The following CRB1 variants were observed in gnomAD, a reference collection of about 807,000 sequenced individuals.
CRB1 encodes the protein crumbs cell polarity complex component 1.
A neutral mutation model predicts 120.0 loss-of-function variants in CRB1; 83 were observed. That is an observed-to-expected ratio of 0.69 (90% CI 0.58 to 0.83). The LOEUF (loss-of-function observed/expected upper bound fraction) is 0.83, where lower values mean the gene tolerates loss of function less well. CRB1 is among the 40% of genes least tolerant of loss of function. CRB1 has a pLI of 0.00. For missense variants in CRB1, 1,699 were observed against 1,687.6 expected, an observed-to-expected ratio of 1.01 and a Z score of -0.12; for synonymous variants, 625 against 612.5, an observed-to-expected ratio of 1.02 and a Z score of -0.30.
chr1:197,307,840 C>G (rs1034437488), intron 1 of CRB1, among the ~76,000 whole-genome samples: 1 of 152,200 alleles, frequency 6.6e-6, no homozygotes, highest in African/African-American at 2.4e-5. Context: ...GATCCTCTCT[C>G]TCCCTGGTCC....
At chr1:197,276,450 A>G (rs1655213498) in intron 1 of CRB1, among the ~76,000 whole-genome samples, 1 of 151,856 alleles carries the variant, frequency 6.6e-6, no homozygotes, top group Non-Finnish European at 1.5e-5. Context: ...ACACTGTTCT[A>G]GGCTCCAAGG....
chr1:197,334,549 T>C (rs1171982838), intron 2 of CRB1, among the ~76,000 whole-genome samples: 7 of 152,208 alleles, frequency 4.6e-5, no homozygotes, highest in African/African-American at 1.7e-4. Flanking sequence ...TCCTATCCTC[T>C]GGAGGATGCA....
At chr1:197,471,980 T>C (rs1666998924) in intron 11 of CRB1, among the ~76,000 whole-genome samples, 1 of 152,222 alleles carries the variant, frequency 6.6e-6, no homozygotes, top group African/African-American at 2.4e-5. Context: ...TTTATTTTAC[T>C]TTATATATGT....
intron 1 of CRB1, among the ~76,000 whole-genome samples, chr1:197,290,320 A>ATC (rs952188965): frequency 3.4e-5 from 5 of 145,892 alleles, no homozygotes; most frequent in African/African-American, 1.3e-4. Context: ...AGAGAAGTGG[A>ATC]TCTCAGATCA....
At chr1:197,235,427 G>A in the CRB1 span, among the ~76,000 whole-genome samples, 1 of 152,188 alleles carries the variant, frequency 6.6e-6, no homozygotes, top group South Asian at 2.1e-4. Flanking sequence ...AAATATGTTA[G>A]TGCATTGTAG....
the CRB1 span, among the ~76,000 whole-genome samples, chr1:197,256,343 C>T: frequency 6.6e-6 from 1 of 151,742 alleles, no homozygotes; most frequent in South Asian, 2.1e-4. Flanking sequence ...CTTGTTGCTT[C>T]CTTTATTATT....
chr1:197,431,058 C>T (rs578130475), intron 8 of CRB1, among the ~76,000 whole-genome samples: 1 of 151,020 alleles, frequency 6.6e-6, no homozygotes, highest in African/African-American at 2.4e-5. Context: ...AAAACAAGAC[C>T]CTGTCTCAAA....
rs1487035145 is a variant in CRB1, at chr1:197,429,146, GA to G, written c.2677-298del. On this transcript the variant is annotated intron_variant, in intron 7 of 11. Transcript: ENST00000367400. Reference sequence around the variant, plus strand: ...TCCTCAAATGATAATTAGTGCATGTGAAAAAGTGCCTGGTAATTTGTAAATT... The same window carrying G: ...TCCTCAAATGATAATTAGTGCATGTGAAAAGTGCCTGGTAATTTGTAAATT... The G allele has an allele frequency of 3.3e-6, 5 of 1,531,214 alleles. No individual in the cohort carries two copies. In the Admixed American group the frequency reaches 9.9e-5, roughly 30 times the overall value. The allele number at this position is 1,531,214 out of a possible 1,614,324, so 94.9% of individuals were successfully genotyped here.
chr1:197,382,351 T>C (rs1240431533), intron 5 of CRB1, among the ~76,000 whole-genome samples: 1 of 152,164 alleles, frequency 6.6e-6, no homozygotes, highest in Non-Finnish European at 1.5e-5. Flanking sequence ...TACCTTATAC[T>C]GCTCCTGGAA....
chr1:197,429,683 A>G lies in CRB1; in HGVS notation c.2842+69A>G. ...CATTTGAGTTGTTCCAAGAGCAAACACAGAAAAAGAGTATAGACAAAGCCA... is the reference window on the plus strand; with the variant it reads ...CATTTGAGTTGTTCCAAGAGCAAACGCAGAAAAAGAGTATAGACAAAGCCA... On this transcript the variant is annotated intron_variant, in intron 8 of 11. Coordinates refer to ENST00000367400, the MANE Select transcript of CRB1 (RefSeq NM_201253.3). The G allele has an allele frequency of 2.7e-6, 4 of 1,503,094 alleles. No homozygotes were observed. The South Asian group carries it at 3.4e-5, about 13-fold the overall frequency. The allele number at this position is 1,503,094 out of a possible 1,614,324, so 93.1% of individuals were successfully genotyped here.
At position 197,273,854 on chromosome 1, in the gene CRB1, GCATAAATC is replaced by G. The variant is rs1381890104; in HGVS notation, c.70+5373_70+5380del. On this transcript the variant is annotated intron_variant, in intron 1 of 11. Coordinates refer to ENST00000367400, the MANE Select transcript of CRB1 (RefSeq NM_201253.3). Reference sequence around the variant, plus strand: ...TTGTGTATTTCCTGACCCAATCCTAGCATAAATCACCATTTCTCCAAGGAGCTCTGTTT... The same window carrying G: ...TTGTGTATTTCCTGACCCAATCCTAGACCATTTCTCCAAGGAGCTCTGTTT... 2.8e-4 allele frequency among the ~76,000 whole-genome samples: 43 copies of G among 151,970 alleles called. No homozygotes were observed. The South Asian group carries it at 8.9e-3, about 32-fold the overall frequency.
At chr1:197,217,827 T>C in the CRB1 span, among the ~76,000 whole-genome samples, 4 of 152,158 alleles carry the variant, frequency 2.6e-5, no homozygotes, top group African/African-American at 9.7e-5. Flanking sequence ...ATGAACTATA[T>C]CTCAAAACAG....
At chr1:197,212,626 A>C in the CRB1 span, among the ~76,000 whole-genome samples, 2 of 152,206 alleles carry the variant, frequency 1.3e-5, no homozygotes, top group African/African-American at 4.8e-5. Context: ...GAAGTGTGAT[A>C]AATTACAAAA....
the CRB1 span, among the ~76,000 whole-genome samples, chr1:197,236,857 C>G: frequency 6.6e-6 from 1 of 152,140 alleles, no homozygotes; most frequent in African/African-American, 2.4e-5. Flanking sequence ...TGAAATAAAT[C>G]TCATTTTGTT....
chr1:197,350,400 T>C (rs1454744257), intron 4 of CRB1, among the ~76,000 whole-genome samples: 1 of 152,190 alleles, frequency 6.6e-6, no homozygotes, highest in Non-Finnish European at 1.5e-5. Flanking sequence ...AAAGGGCAAC[T>C]ATGTAGCAAA....
intron 1 of CRB1, among the ~76,000 whole-genome samples, chr1:197,269,850 T>C (rs1203955956): frequency 1.3e-5 from 2 of 152,170 alleles, no homozygotes; most frequent in African/African-American, 4.8e-5. Flanking sequence ...ATATCATTTG[T>C]TTTTGCTCTC....
the CRB1 span, among the ~76,000 whole-genome samples, chr1:197,237,417 G>A: frequency 6.6e-6 from 1 of 152,104 alleles, no homozygotes; most frequent in East Asian, 1.9e-4. Context: ...TGGTGAAAGG[G>A]GCAAGGCGGC....
intron 5 of CRB1, among the ~76,000 whole-genome samples, chr1:197,389,174 T>C (rs2494270): frequency 0.083 from 12,671 of 152,106 alleles, 1,806 homozygotes; most frequent in African/African-American, 0.29. Context: ...TTAAACATAG[T>C]TATTACCACA....
intron 5 of CRB1, among the ~76,000 whole-genome samples, chr1:197,379,605 CAAAAAAAAAAAA>C (rs75820081): frequency 1.3e-4 from 10 of 74,386 alleles, no homozygotes; most frequent in African/African-American, 5.4e-4. Context: ...CGGCCCCGGC[CAAAAAAAAAAAA>C]AAAAAAAAAA....
Sources: allele counts gnomAD v4.1 joint callset (sites outside exome capture counted in the v4.1 genomes callset), GRCh38; gene constraint gnomAD v4.1.1; transcripts MANE v1.5; gene names NCBI Gene and HGNC (gene_info 2026-07-23, HGNC 2026-07-21).